The following P3H2 variants were observed in gnomAD, a reference collection of about 807,000 sequenced individuals.
The protein encoded by P3H2 is prolyl 3-hydroxylase 2, also known as leprecan-like 1.
A neutral mutation model predicts 87.0 loss-of-function variants in P3H2; 80 were observed. The observed-to-expected ratio is 0.92, with a 90% CI of 0.77 to 1.11. The LOEUF is 1.11. Among genes scored for constraint, P3H2 ranks in the 50% least tolerant of loss-of-function variants. The pLI is 0.00. For synonymous variants in P3H2, 367 were observed against 359.3 expected (o/e 1.02, Z -0.24); for missense variants, 1,001 against 923.9 (o/e 1.08, Z -1.08).
chr3:190,089,639 A>C (rs975625237), intron 1 of P3H2, among the ~76,000 whole-genome samples: 2 of 152,162 alleles, frequency 1.3e-5, no homozygotes, highest in African/African-American at 4.8e-5. Context: ...GTATTTTGTC[A>C]GTAAAGGGAT....
chr3:190,016,142 ATTC>A (rs1167358200), intron 1 of P3H2, among the ~76,000 whole-genome samples: 1 of 152,156 alleles, frequency 6.6e-6, no homozygotes, highest in Non-Finnish European at 1.5e-5. Context: ...GGGATTTTCC[ATTC>A]TTCTTGTTTT....
chr3:190,083,790 G>A (rs1047702982), intron 1 of P3H2, among the ~76,000 whole-genome samples: 6 of 151,974 alleles, frequency 3.9e-5, no homozygotes, highest in Admixed American at 6.6e-5. Context: ...AGCCACTCTC[G>A]GCTACATGAG....
chr3:189,957,311 A>T lies in P3H2; in HGVS notation c.*601T>A. On this transcript the variant is annotated 3_prime_UTR_variant, in exon 15 of 15. Transcript: ENST00000319332. The stretch of plus-strand genomic sequence containing the variant: ...GTTAGCACCTAAGGATGTGGCTGAA[A>T]GGCACAGAGCAAGAAAGGGCTTCAG... 1 of 399,800 alleles carries T rather than the reference A, an allele frequency of 2.5e-6. No individual in the cohort carries two copies. The allele number at this position is 399,800 out of a possible 1,614,324, so 24.8% of individuals were successfully genotyped here. A position where few individuals can be genotyped will look rare whatever the true frequency, so the allele number is the denominator to read the frequency against.
In P3H2 at chr3:190,120,415, T is replaced by G; in HGVS notation, c.317A>C (p.Glu106Ala). The G allele has an allele frequency of 6.6e-7, 1 of 1,508,732 alleles. No individual in the cohort carries two copies. Among genetic ancestry groups the G allele is most frequent in the Non-Finnish European group, 8.8e-7 (1 of 1,135,220 alleles). The allele number at this position is 1,508,732 out of a possible 1,614,324, so 93.5% of individuals were successfully genotyped here. A position where few individuals can be genotyped will look rare whatever the true frequency, so the allele number is the denominator to read the frequency against. Residue 106 changes from glutamate (E) to alanine (A), a missense_variant, in exon 1 of 15, where the codon GAG (glutamate) becomes GCG (alanine). Physicochemically the swap from Glu to Ala is moderately radical, Grantham distance 107 (BLOSUM62 -1). Coordinates refer to ENST00000319332, the MANE Select transcript of P3H2 (RefSeq NM_018192.4). The stretch of plus-strand genomic sequence containing the variant: ...CAACAAGGAGCGGAAAAGGGGCAGC[T>G]CAGCGCCGGGGCCCTCGCCGGGGGG... ...PPPPGEGPGA[E>A]LPLFRSLLGR...
At chr3:190,085,249 G>A (rs752580659) in intron 1 of P3H2, among the ~76,000 whole-genome samples, 3 of 152,124 alleles carry the variant, frequency 2.0e-5, no homozygotes, top group African/African-American at 7.2e-5. Context: ...CATTAATGAC[G>A]CAGCCATTGG....
intron 8 of P3H2, among the ~76,000 whole-genome samples, chr3:189,980,137 G>T (rs1034318658): frequency 2.0e-5 from 3 of 152,098 alleles, no homozygotes; most frequent in Non-Finnish European, 4.4e-5. Flanking sequence ...TGTCCAGTAG[G>T]AATAATACAA....
chr3:190,076,934 C>A (rs1286412201), intron 1 of P3H2, among the ~76,000 whole-genome samples: 1 of 152,136 alleles, frequency 6.6e-6, no homozygotes. Context: ...AAGGGTTTTT[C>A]ATTCTAAATG....
chr3:190,067,007 CTTTCTT>C (rs975403854), intron 1 of P3H2, among the ~76,000 whole-genome samples: 20 of 145,108 alleles, frequency 1.4e-4, no homozygotes, highest in African/African-American at 3.5e-4. Context: ...TTTTAATTTT[CTTTCTT>C]TTTTTTTTTT....
At chr3:190,053,378 T>C (rs1406284664) in intron 1 of P3H2, among the ~76,000 whole-genome samples, 1 of 152,200 alleles carries the variant, frequency 6.6e-6, no homozygotes, top group South Asian at 2.1e-4. Context: ...ATGTCTTTTG[T>C]TAGGTATATA....
At chr3:189,985,969 C>A (rs1459318582) in intron 6 of P3H2, among the ~76,000 whole-genome samples, 1 of 152,056 alleles carries the variant, frequency 6.6e-6, no homozygotes, top group Non-Finnish European at 1.5e-5. Context: ...ATACAAATCT[C>A]TTTATACCAT....
intron 1 of P3H2, among the ~76,000 whole-genome samples, chr3:190,002,854 T>C (rs1005748836): frequency 2.0e-5 from 3 of 152,214 alleles, no homozygotes; most frequent in Admixed American, 6.5e-5. Flanking sequence ...TTAAAATATA[T>C]ACTCCCATAG....
chr3:189,988,379 A>ACG (rs1252168193), intron 4 of P3H2, among the ~76,000 whole-genome samples: 6 of 75,416 alleles, frequency 8.0e-5, no homozygotes, highest in African/African-American at 2.2e-4. Context: ...CAATATACGT[A>ACG]TGTGTGTATA....
chr3:190,098,062 GGTAAAA>G (rs1358883146), intron 1 of P3H2, among the ~76,000 whole-genome samples: 1 of 152,010 alleles, frequency 6.6e-6, no homozygotes, highest in Non-Finnish European at 1.5e-5. Flanking sequence ...TTATGAATAT[GGTAAAA>G]GTAATTTTTT....
chr3:189,965,797 C>A (rs1560338622), intron 13 of P3H2, among the ~76,000 whole-genome samples: 1 of 151,902 alleles, frequency 6.6e-6, no homozygotes, highest in East Asian at 1.9e-4. Flanking sequence ...ACCAGCCTGG[C>A]CAACATGGTG....
At chr3:190,048,119 C>G (rs139071312) in intron 1 of P3H2, among the ~76,000 whole-genome samples, 20 of 152,226 alleles carry the variant, frequency 1.3e-4, no homozygotes, top group African/African-American at 4.8e-4. Flanking sequence ...CAACTATCTT[C>G]ATTTATTATT....
chr3:190,003,676 G>C (rs1724290268), intron 1 of P3H2, among the ~76,000 whole-genome samples: 1 of 152,146 alleles, frequency 6.6e-6, no homozygotes, highest in African/African-American at 2.4e-5. Flanking sequence ...TAGACAAGTC[G>C]TCTCTGCCTC....
At chr3:189,977,426 A>C (rs1195173154) in intron 8 of P3H2, among the ~76,000 whole-genome samples, 1 of 152,190 alleles carries the variant, frequency 6.6e-6, no homozygotes, top group Non-Finnish European at 1.5e-5. Context: ...ACTTTTTGGG[A>C]ACTGAATTCT....
chr3:190,026,383 A>C (rs1725085096), intron 1 of P3H2, among the ~76,000 whole-genome samples: 1 of 152,198 alleles, frequency 6.6e-6, no homozygotes. Flanking sequence ...AAATCAGCAC[A>C]AGATACAGGT....
intron 1 of P3H2, among the ~76,000 whole-genome samples, chr3:190,067,207 C>T (rs1726541440): frequency 6.6e-6 from 1 of 151,896 alleles, no homozygotes; most frequent in Admixed American, 6.6e-5. Context: ...CAGATTCATA[C>T]CTTTTGCAGA....
Sources: allele counts gnomAD v4.1 joint callset (sites outside exome capture counted in the v4.1 genomes callset), GRCh38; gene constraint gnomAD v4.1.1; transcripts MANE v1.5; gene names NCBI Gene and HGNC (gene_info 2026-07-23, HGNC 2026-07-21).